Variants in HEMK2 observed in about 807,000 individuals in gnomAD.
HEMK2 encodes the protein methyltransferase HEMK2.
chr21:28,846,041 T>C, the HEMK2 span, among the ~76,000 whole-genome samples: 2 of 152,200 alleles, frequency 1.3e-5, no homozygotes, highest in Non-Finnish European at 2.9e-5. Flanking sequence ...AGTGAGAATA[T>C]GTGGTATTTA....
At chr21:28,637,448 G>C in the HEMK2 span, among the ~76,000 whole-genome samples, 3 of 144,880 alleles carry the variant, frequency 2.1e-5, no homozygotes, top group East Asian at 6.0e-4. Flanking sequence ...GCATGTAACA[G>C]AAATTAAAAA....
At chr21:28,782,391 T>G in the HEMK2 span, among the ~76,000 whole-genome samples, 1 of 152,316 alleles carries the variant, frequency 6.6e-6, no homozygotes, top group South Asian at 2.1e-4. Flanking sequence ...CAGGGAACAA[T>G]CAAGGCTTAG....
At chr21:28,630,020 A>C in the HEMK2 span, among the ~76,000 whole-genome samples, 14,378 of 152,162 alleles carry the variant, frequency 0.094, 954 homozygotes, top group East Asian at 0.33. Context: ...ACAATTTGTG[A>C]GTATGAGTAT....
chr21:28,721,840 C>A, the HEMK2 span, among the ~76,000 whole-genome samples: 1 of 151,436 alleles, frequency 6.6e-6, no homozygotes, highest in African/African-American at 2.4e-5. Context: ...TGATTTGCCC[C>A]AGGTCACACT....
chr21:28,724,023 T>C, the HEMK2 span, among the ~76,000 whole-genome samples: 6 of 152,200 alleles, frequency 3.9e-5, no homozygotes, highest in African/African-American at 1.2e-4. Context: ...GTTGCTTTCA[T>C]CTTCACAGAT....
chr21:28,640,599 C>G, the HEMK2 span, among the ~76,000 whole-genome samples: 68 of 152,330 alleles, frequency 4.5e-4, 2 homozygotes, highest in East Asian at 0.013. Flanking sequence ...ATCCCTGCAT[C>G]TGCAGAAATC....
At chr21:28,721,080 G>A in the HEMK2 span, among the ~76,000 whole-genome samples, 3 of 152,098 alleles carry the variant, frequency 2.0e-5, no homozygotes, top group South Asian at 4.1e-4. Context: ...TTGAGATGTC[G>A]ATTTCAGACA....
chr21:28,702,982 A>G, the HEMK2 span, among the ~76,000 whole-genome samples: 1 of 152,208 alleles, frequency 6.6e-6, no homozygotes, highest in South Asian at 2.1e-4. Context: ...CACAGCCATA[A>G]AAAAAGAATG....
chr21:28,737,417 G>A, the HEMK2 span, among the ~76,000 whole-genome samples: 3 of 152,072 alleles, frequency 2.0e-5, no homozygotes, highest in African/African-American at 2.4e-5. Flanking sequence ...GAGCCACCAC[G>A]CCCAATCCCT....
the HEMK2 span, among the ~76,000 whole-genome samples, chr21:28,634,782 G>T: frequency 1.3e-5 from 2 of 152,112 alleles, no homozygotes; most frequent in Non-Finnish European, 2.9e-5. Context: ...GTATTATAAG[G>T]ATAAAATTAA....
At chr21:28,779,760 T>C in the HEMK2 span, among the ~76,000 whole-genome samples, 3 of 152,270 alleles carry the variant, frequency 2.0e-5, no homozygotes, top group African/African-American at 7.2e-5. Context: ...CAAAGGACAA[T>C]TCCAAGGTGT....
chr21:28,800,689 T>C, the HEMK2 span, among the ~76,000 whole-genome samples: 1 of 152,192 alleles, frequency 6.6e-6, no homozygotes, highest in Non-Finnish European at 1.5e-5. Context: ...ACAAGATTGA[T>C]AAAGTATCAA....
chr21:28,885,178 C>A, the HEMK2 span: 1 of 1,519,290 alleles, frequency 6.6e-7, no homozygotes, highest in Non-Finnish European at 8.9e-7. Flanking sequence ...AAAGCCGCAA[C>A]CCTTTCCCGT....
chr21:28,805,582 C>G, the HEMK2 span, among the ~76,000 whole-genome samples: 4 of 152,304 alleles, frequency 2.6e-5, no homozygotes, highest in South Asian at 8.3e-4. Context: ...TCAAACAAAG[C>G]AGTATCAGAG....
the HEMK2 span, among the ~76,000 whole-genome samples, chr21:28,592,566 T>C: frequency 6.6e-6 from 1 of 152,218 alleles, no homozygotes; most frequent in Non-Finnish European, 1.5e-5. Flanking sequence ...ACAAAAATCA[T>C]TCTTAAGGAG....
the HEMK2 span, among the ~76,000 whole-genome samples, chr21:28,789,297 G>A: frequency 6.6e-6 from 1 of 152,092 alleles, no homozygotes; most frequent in East Asian, 1.9e-4. Context: ...GAGGATGTAA[G>A]ATTGGCTGTG....
the HEMK2 span, among the ~76,000 whole-genome samples, chr21:28,628,483 C>T: frequency 6.6e-6 from 1 of 152,152 alleles, no homozygotes; most frequent in South Asian, 2.1e-4. Context: ...CAGAGTTTCA[C>T]TCTTGTTGCC....
At chr21:28,659,346 A>C in the HEMK2 span, among the ~76,000 whole-genome samples, 1 of 152,092 alleles carries the variant, frequency 6.6e-6, no homozygotes, top group Non-Finnish European at 1.5e-5. Flanking sequence ...TTTGTTCCAA[A>C]TGGACAATCA....
the HEMK2 span, chr21:28,873,920 C>A: frequency 6.6e-6 from 1 of 152,332 alleles, no homozygotes; most frequent in Middle Eastern, 3.4e-3. Context: ...TAGTGGGTCA[C>A]CAGGGCTAAT....
Sources: allele counts gnomAD v4.1 joint callset (sites outside exome capture counted in the v4.1 genomes callset), GRCh38; gene constraint gnomAD v4.1.1; transcripts MANE v1.5; gene names NCBI Gene and HGNC (gene_info 2026-07-23, HGNC 2026-07-21).